Variants in LUZP2 observed in about 807,000 individuals in gnomAD.
LUZP2 encodes leucine zipper protein 2.
A neutral mutation model predicts 51.6 loss-of-function variants in LUZP2; 52 were observed. That is an observed-to-expected ratio of 1.01 (90% CI 0.81 to 1.27). The LOEUF (loss-of-function observed/expected upper bound fraction) is 1.27. Ranked by LOEUF, LUZP2 falls within the 50% of genes most tolerant of loss-of-function variation. The probability of loss-of-function intolerance (pLI) is 0.00; values close to 1 mark genes in which losing one functional copy is unlikely to be tolerated. For missense variants in LUZP2, 436 were observed against 395.4 expected (o/e 1.10, Z -0.87); for synonymous variants, 154 against 137.3 (o/e 1.12, Z -0.85).
intron 3 of LUZP2, among the ~76,000 whole-genome samples, chr11:24,737,559 A>C (rs1858989782): frequency 6.6e-6 from 1 of 152,084 alleles, no homozygotes; most frequent in African/African-American, 2.4e-5. Flanking sequence ...ATAAATCCTA[A>C]ATCCTTAAGA....
chr11:24,502,741 G>A (rs528611108), intron 1 of LUZP2, among the ~76,000 whole-genome samples: 74 of 152,254 alleles, frequency 4.9e-4, no homozygotes, highest in Non-Finnish European at 1.0e-3. Flanking sequence ...TGAAAATCTG[G>A]AATATTTAAC....
At chr11:24,582,219 A>T (rs1011828895) in intron 1 of LUZP2, among the ~76,000 whole-genome samples, 2 of 151,944 alleles carry the variant, frequency 1.3e-5, no homozygotes, top group Non-Finnish European at 2.9e-5. Context: ...TCTTTTTGCA[A>T]GAATCTTTTC....
At chr11:24,933,895 G>C (rs755309145) in intron 7 of LUZP2, among the ~76,000 whole-genome samples, 1 of 152,134 alleles carries the variant, frequency 6.6e-6, no homozygotes, top group Non-Finnish European at 1.5e-5. Flanking sequence ...CTGTGGGCAG[G>C]GGGTGGATCT....
intron 1 of LUZP2, among the ~76,000 whole-genome samples, chr11:24,565,706 A>T (rs1286140582): frequency 1.3e-5 from 2 of 152,168 alleles, no homozygotes; most frequent in Non-Finnish European, 2.9e-5. Context: ...AATACACAAG[A>T]TTACAAACAC....
At chr11:24,770,795 A>G (rs1860381114) in intron 5 of LUZP2, among the ~76,000 whole-genome samples, 1 of 152,244 alleles carries the variant, frequency 6.6e-6, no homozygotes, top group South Asian at 2.1e-4. Context: ...TAGATATCTT[A>G]CAAAATCGTT....
At chr11:25,058,882 G>T (rs1477383774) in intron 10 of LUZP2, among the ~76,000 whole-genome samples, 1 of 152,132 alleles carries the variant, frequency 6.6e-6, no homozygotes, top group African/African-American at 2.4e-5. Flanking sequence ...CTAAAACATT[G>T]TTCTGTAATA....
intron 1 of LUZP2, among the ~76,000 whole-genome samples, chr11:24,506,094 A>G (rs1300633911): frequency 6.6e-6 from 1 of 152,120 alleles, no homozygotes; most frequent in Non-Finnish European, 1.5e-5. Flanking sequence ...AAATTAAGTA[A>G]TCCTACAATG....
intron 7 of LUZP2, 38 bp from the exon 8 acceptor site, chr11:24,976,553 G>A (rs1406883229): frequency 4.2e-6 from 6 of 1,421,650 alleles, no homozygotes; most frequent in Non-Finnish European, 5.8e-6. Flanking sequence ...GAGGGAAATT[G>A]CAGAATTTAT....
At chr11:24,888,832 G>C (rs1852754817) in intron 5 of LUZP2, among the ~76,000 whole-genome samples, 2 of 151,992 alleles carry the variant, frequency 1.3e-5, no homozygotes, top group African/African-American at 4.8e-5. Context: ...GAGATCTGAT[G>C]GTTTTGTAAG....
At chr11:24,751,161 A>T (rs1312407612) in intron 4 of LUZP2, among the ~76,000 whole-genome samples, 1 of 152,188 alleles carries the variant, frequency 6.6e-6, no homozygotes, top group Non-Finnish European at 1.5e-5. Flanking sequence ...TTGCTAACTC[A>T]TTCCCCCAAA....
At chr11:24,571,444 A>G (rs1431881844) in intron 1 of LUZP2, among the ~76,000 whole-genome samples, 1 of 152,056 alleles carries the variant, frequency 6.6e-6, no homozygotes, top group Non-Finnish European at 1.5e-5. Flanking sequence ...CCCTGCCTAA[A>G]TCTTGTGTTT....
chr11:24,583,905 G>A (rs1470510730), intron 1 of LUZP2, among the ~76,000 whole-genome samples: 29 of 151,318 alleles, frequency 1.9e-4, no homozygotes, highest in Admixed American at 1.9e-3. Flanking sequence ...GTAGAGACGG[G>A]GTTTCACCGT....
intron 9 of LUZP2, among the ~76,000 whole-genome samples, chr11:25,024,158 T>G (rs1237541794): frequency 6.6e-6 from 1 of 152,160 alleles, no homozygotes; most frequent in Non-Finnish European, 1.5e-5. Flanking sequence ...GTCTGCTTGG[T>G]GCAGAGCTGA....
At chr11:24,654,804 C>T (rs1440520128) in intron 1 of LUZP2, among the ~76,000 whole-genome samples, 8 of 151,218 alleles carry the variant, frequency 5.3e-5, no homozygotes, top group African/African-American at 1.9e-4. Flanking sequence ...GGATTACAGG[C>T]ATGAGCCACC....
intron 1 of LUZP2, among the ~76,000 whole-genome samples, chr11:24,716,653 T>G (rs1858056140): frequency 6.6e-6 from 1 of 152,110 alleles, no homozygotes; most frequent in African/African-American, 2.4e-5. Flanking sequence ...TCCCAGCACT[T>G]TGAGAGTCCA....
chr11:24,928,641 T>C (rs1854350039), intron 7 of LUZP2, among the ~76,000 whole-genome samples: 1 of 152,136 alleles, frequency 6.6e-6, no homozygotes, highest in African/African-American at 2.4e-5. Flanking sequence ...TAGTATTTTG[T>C]TAAGGATTTT....
At chr11:24,547,949 A>G (rs79931944) in intron 1 of LUZP2, among the ~76,000 whole-genome samples, 3,327 of 152,230 alleles carry the variant, frequency 0.022, 106 homozygotes, top group African/African-American at 0.059. Flanking sequence ...ATATTAAAAG[A>G]TTCTCCACAC....
chr11:24,980,638 T>A (rs1030159298), intron 8 of LUZP2, among the ~76,000 whole-genome samples: 2 of 151,604 alleles, frequency 1.3e-5, no homozygotes, highest in African/African-American at 4.8e-5. Context: ...AACAACAAGA[T>A]GATTTGAAAT....
chr11:24,938,990 C>A (rs774370806), intron 7 of LUZP2, among the ~76,000 whole-genome samples: 125 of 152,082 alleles, frequency 8.2e-4, no homozygotes, highest in Non-Finnish European at 1.1e-3. Context: ...GGTGCTGAGT[C>A]TAATGGTCTA....
Sources: gnomAD v4.1 joint callset for allele counts (sites outside exome capture counted in the v4.1 genomes callset) on GRCh38, gnomAD v4.1.1 for gene constraint, MANE v1.5 for transcripts, NCBI Gene and HGNC (gene_info 2026-07-23, HGNC 2026-07-21) for gene names.